The following LINGO2 variants were observed in gnomAD, a reference collection of about 807,000 sequenced individuals.
LINGO2 encodes leucine-rich repeat and immunoglobulin-like domain-containing nogo receptor-interacting protein 2.
Under a neutral mutation model 30.6 loss-of-function variants are expected in LINGO2, and 14 were observed. That is an observed-to-expected ratio of 0.46 (90% CI 0.30 to 0.72). The LOEUF (loss-of-function observed/expected upper bound fraction) is 0.72, where lower values mean the gene tolerates loss of function less well. Ranked by LOEUF, LINGO2 falls within the 30% of genes least tolerant of loss-of-function variation. LINGO2 has a pLI of 0.07. For missense variants in LINGO2, 729 were observed against 751.7 expected, an observed-to-expected ratio of 0.97 and a Z score of 0.35; for synonymous variants, 317 against 288.5, an observed-to-expected ratio of 1.10 and a Z score of -1.00.
At chr9:28,346,352 T>C (rs570958977) in intron 3 of LINGO2, among the ~76,000 whole-genome samples, 2 of 152,332 alleles carry the variant, frequency 1.3e-5, no homozygotes, top group African/African-American at 2.4e-5. Flanking sequence ...GCTCCATCCA[T>C]GTTCCCACAA....
At chr9:28,941,940 TA>T in the LINGO2 span, among the ~76,000 whole-genome samples, 1 of 152,044 alleles carries the variant, frequency 6.6e-6, no homozygotes, top group East Asian at 1.9e-4. Context: ...CTGAAAGAAA[TA>T]AGGTACTCCC....
At chr9:27,967,884 C>T (rs1214579841) in intron 5 of LINGO2, among the ~76,000 whole-genome samples, 1 of 152,114 alleles carries the variant, frequency 6.6e-6, no homozygotes, top group African/African-American at 2.4e-5. Flanking sequence ...ATAAATGCAA[C>T]CTTTAAAACA....
At chr9:29,039,027 T>C in the LINGO2 span, among the ~76,000 whole-genome samples, 11 of 152,248 alleles carry the variant, frequency 7.2e-5, no homozygotes, top group African/African-American at 2.6e-4. Flanking sequence ...TTACTGCTAA[T>C]TGAGTGTATT....
the LINGO2 span, among the ~76,000 whole-genome samples, chr9:29,029,821 T>C: frequency 6.6e-6 from 1 of 151,778 alleles, no homozygotes; most frequent in Admixed American, 6.6e-5. Context: ...TCAAAGAATA[T>C]GCCATTTAGA....
At chr9:27,953,793 G>C (rs1819430431) in intron 5 of LINGO2, among the ~76,000 whole-genome samples, 1 of 139,122 alleles carries the variant, frequency 7.2e-6, no homozygotes, top group Non-Finnish European at 1.6e-5. Context: ...ACAGCAGCAT[G>C]AGAACAAACT....
chr9:28,278,270 A>G (rs1823200268), intron 4 of LINGO2, among the ~76,000 whole-genome samples: 2 of 152,230 alleles, frequency 1.3e-5, no homozygotes, highest in Non-Finnish European at 2.9e-5. Context: ...GCTAATGTAG[A>G]GGCTGCAGCA....
chr9:28,480,833 T>C (rs1252438034), intron 1 of LINGO2, among the ~76,000 whole-genome samples: 1 of 152,058 alleles, frequency 6.6e-6, no homozygotes, highest in Admixed American at 6.6e-5. Context: ...TTATAGAGGG[T>C]TAATTGACTT....
intron 4 of LINGO2, among the ~76,000 whole-genome samples, chr9:28,045,752 A>T (rs12115308): frequency 0.11 from 16,874 of 152,236 alleles, 1,174 homozygotes; most frequent in Middle Eastern, 0.18. Flanking sequence ...TATGGAAGAT[A>T]AAGGTGGATG....
chr9:28,409,653 G>A (rs1371198300), intron 2 of LINGO2, among the ~76,000 whole-genome samples: 1 of 144,302 alleles, frequency 6.9e-6, no homozygotes, highest in South Asian at 2.2e-4. Flanking sequence ...GTGTGTGTGT[G>A]ATGTTTCGAA....
At chr9:28,289,768 G>A (rs143999998) in intron 4 of LINGO2, among the ~76,000 whole-genome samples, 106 of 152,208 alleles carry the variant, frequency 7.0e-4, no homozygotes, top group African/African-American at 2.5e-3. Context: ...AGCTACTCTT[G>A]CACTGAAGCA....
intron 2 of LINGO2, among the ~76,000 whole-genome samples, chr9:28,474,351 T>G (rs966939650): frequency 7.0e-4 from 106 of 152,006 alleles, no homozygotes; most frequent in African/African-American, 2.4e-3. Flanking sequence ...CAAGGTCTAG[T>G]CTCCTAAATA....
At chr9:28,507,660 AACTT>A (rs1820206400) in intron 1 of LINGO2, among the ~76,000 whole-genome samples, 2 of 152,130 alleles carry the variant, frequency 1.3e-5, no homozygotes, top group African/African-American at 4.8e-5. Flanking sequence ...CTACATATAA[AACTT>A]TATGTATTGG....
chr9:28,699,581 A>T, the LINGO2 span, among the ~76,000 whole-genome samples: 1 of 152,056 alleles, frequency 6.6e-6, no homozygotes, highest in Non-Finnish European at 1.5e-5. Context: ...TTCAGGGAAC[A>T]AGGGAAGACA....
At chr9:28,869,302 G>A in the LINGO2 span, among the ~76,000 whole-genome samples, 70 of 152,002 alleles carry the variant, frequency 4.6e-4, no homozygotes, top group African/African-American at 1.5e-3. Context: ...CTGTAATGAC[G>A]GACAAGTGTA....
chr9:27,942,635 C>T, the LINGO2 span: 1 of 152,114 alleles, frequency 6.6e-6, no homozygotes, highest in South Asian at 2.1e-4. Context: ...TTGTTAGGTT[C>T]TTGGTTATTA....
At chr9:29,125,269 G>A in the LINGO2 span, among the ~76,000 whole-genome samples, 2 of 152,102 alleles carry the variant, frequency 1.3e-5, no homozygotes, top group African/African-American at 4.8e-5. Flanking sequence ...AGGGGCTGGA[G>A]TCAAGTGGAG....
downstream of LINGO2, among the ~76,000 whole-genome samples, chr9:27,944,742 T>G (rs1587495969): frequency 6.6e-6 from 1 of 152,090 alleles, no homozygotes; most frequent in East Asian, 1.9e-4. Flanking sequence ...AGATAATAAG[T>G]CTTTACCTAA....
chr9:28,008,329 T>C (rs1238290744), intron 5 of LINGO2, among the ~76,000 whole-genome samples: 3 of 152,114 alleles, frequency 2.0e-5, no homozygotes, highest in Non-Finnish European at 4.4e-5. Flanking sequence ...ATGTTATACA[T>C]ATAATATAGA....
intron 3 of LINGO2, among the ~76,000 whole-genome samples, chr9:28,348,574 G>T (rs1203215538): frequency 6.6e-6 from 1 of 152,114 alleles, no homozygotes; most frequent in African/African-American, 2.4e-5. Context: ...GCTGGGGGAG[G>T]GGCGCCCACC....
Sources: allele counts gnomAD v4.1 joint callset (sites outside exome capture counted in the v4.1 genomes callset), GRCh38; gene constraint gnomAD v4.1.1; transcripts MANE v1.5; gene names NCBI Gene and HGNC (gene_info 2026-07-23, HGNC 2026-07-21).